Variants in BMP5 observed in about 807,000 individuals in gnomAD.
BMP5 encodes bone morphogenetic protein 5.
Under a neutral mutation model 46.6 loss-of-function variants are expected in BMP5, and 23 were observed. That is an observed-to-expected ratio of 0.49 (90% CI 0.35 to 0.70). The LOEUF (loss-of-function observed/expected upper bound fraction) is 0.70. Among genes scored for constraint, BMP5 ranks in the 30% least tolerant of loss-of-function variants. BMP5 has a pLI of 0.00. For synonymous variants in BMP5, 204 were observed against 191.9 expected (o/e 1.06, Z -0.52); for missense variants, 545 against 565.6 (o/e 0.96, Z 0.37).
rs369703099 is a variant in BMP5 at position 55,780,456 on chromosome 6, T to TAAAAAA, written c.833-6219_833-6214dup. On this transcript the variant is annotated intron_variant, in intron 3 of 6. Transcript: ENST00000370830. ...TAACACAGTGAAACCCCATCACTACTAAAAAAAAAAAAAAAAAGAAAGAAA... is the reference window on the plus strand; with the variant it reads ...TAACACAGTGAAACCCCATCACTACTAAAAAAAAAAAAAAAAAAAAAAAGAAAGAAA... Among the ~76,000 whole-genome samples, 125 of 61,920 alleles carry TAAAAAA rather than the reference T, an allele frequency of 2.0e-3. 1 individual carries two copies. The highest frequency in any genetic ancestry group is 9.5e-3 in the African/African-American group (113 of 11,900). The allele number at this position is 61,920 out of a possible 152,430, so 40.6% of individuals were successfully genotyped here. A position where few individuals can be genotyped will look rare whatever the true frequency, so the allele number is the denominator to read the frequency against.
At chr6:55,780,456 T>TAAAAAAAAAAAA (rs369703099) in intron 3 of BMP5, among the ~76,000 whole-genome samples, 15 of 61,834 alleles carry the variant, frequency 2.4e-4, no homozygotes, top group South Asian at 6.6e-4. Context: ...CCATCACTAC[T>TAAAAAAAAAAAA]AAAAAAAAAA....
intron 2 of BMP5, among the ~76,000 whole-genome samples, chr6:55,795,690 T>C (rs1775695637): frequency 6.6e-6 from 1 of 152,158 alleles, no homozygotes; most frequent in Non-Finnish European, 1.5e-5. Context: ...TTTTTTTCTA[T>C]TAATCTAGAG....
chr6:55,871,022 G>A (rs1414660726), intron 1 of BMP5, among the ~76,000 whole-genome samples: 1 of 151,830 alleles, frequency 6.6e-6, no homozygotes, highest in Non-Finnish European at 1.5e-5. Context: ...CTAGTGTTAT[G>A]TCATTATGGT....
chr6:55,755,682 C>A lies in BMP5; in HGVS notation c.1216G>T (p.Val406Phe). 1.2e-6 allele frequency: 2 copies of A among 1,611,298 alleles called. No individual in the cohort carries two copies. Among genetic ancestry groups the A allele is most frequent in the Non-Finnish European group, 1.7e-6 (2 of 1,178,258 alleles). ...ACGTGGTCAGGAAACATCAGATGAA[C>A]CTGGGAAAGAAAAAAGGTTTTGTTT... is the stretch of plus-strand genomic sequence containing the variant. Reference protein sequence around the residue: ...ATNHAIVQTLVHLMFPDHVPK... With the variant: ...ATNHAIVQTLFHLMFPDHVPK... The change falls in exon 7 of 7, where the codon GTT (valine) becomes TTT (phenylalanine). Residue 406 changes from valine (V) to phenylalanine (F), a missense_variant and splice_region_variant. Coordinates refer to ENST00000370830, the MANE Select transcript of BMP5 (RefSeq NM_021073.4).
chr6:55,818,976 A>C (rs929802857), intron 2 of BMP5, among the ~76,000 whole-genome samples: 1 of 151,206 alleles, frequency 6.6e-6, no homozygotes, highest in African/African-American at 2.5e-5. Flanking sequence ...ACAGACAGAT[A>C]GATAGATAGA....
chr6:55,814,624 GCTATTT>G (rs1387725987), intron 2 of BMP5, among the ~76,000 whole-genome samples: 1 of 151,944 alleles, frequency 6.6e-6, no homozygotes, highest in Non-Finnish European at 1.5e-5. Flanking sequence ...AAGACATATC[GCTATTT>G]CTATGTGTTC....
In BMP5 at chr6:55,874,404, A is replaced by AG; in HGVS notation, c.461dup (p.Asp155Ter). On this transcript the variant is annotated frameshift_variant, in exon 1 of 7. Coordinates refer to ENST00000370830, the MANE Select transcript of BMP5 (RefSeq NM_021073.4). LOFTEE classifies it high-confidence loss of function. ...AGTTGACAAAGCTCATGACCATGTC[A>AG]GCATCATTCAGAAAGTTGGTATCAT... 6.2e-7 allele frequency: 1 copy of AG among 1,613,280 alleles called. No homozygotes were observed. Among genetic ancestry groups the AG allele is most frequent in the Non-Finnish European group, 8.5e-7 (1 of 1,179,496 alleles).
At chr6:55,796,054 T>C (rs993057850) in intron 2 of BMP5, among the ~76,000 whole-genome samples, 1 of 152,184 alleles carries the variant, frequency 6.6e-6, no homozygotes, top group Non-Finnish European at 1.5e-5. Context: ...TTGAGATATT[T>C]GGTAAATATC....
At chr6:55,799,986 A>G (rs1775804572) in intron 2 of BMP5, among the ~76,000 whole-genome samples, 1 of 152,188 alleles carries the variant, frequency 6.6e-6, no homozygotes, top group Admixed American at 6.5e-5. Context: ...TAGAGGTTGC[A>G]TTGTGGATAT....
At chr6:55,859,412 T>C (rs16887305) in intron 1 of BMP5, among the ~76,000 whole-genome samples, 2,288 of 152,298 alleles carry the variant, frequency 0.015, 68 homozygotes, top group African/African-American at 0.053. Flanking sequence ...AAAAATTGCA[T>C]GCCCAATAAT....
In BMP5 at chr6:55,874,513, G is replaced by A. The variant is rs778186001; in HGVS notation, c.353C>T (p.Ala118Val). 5.0e-6 allele frequency: 8 copies of A among 1,613,288 alleles called. No individual in the cohort carries two copies. The highest frequency in any genetic ancestry group is 6.8e-6 in the Non-Finnish European group (8 of 1,179,652). Residue 118 changes from alanine (A) to valine (V), a missense_variant, in exon 1 of 7, where the codon GCC becomes GTC. Transcript: ENST00000370830. ...GCGACGAGGATACCCATTGGGAGAG[G>A]CTGGGTATCCCTTTCTTGCCCCTCT... The part of the protein sequence containing the change: ...ETRGARKGYP[A>V]SPNGYPRRIQ...
chr6:55,770,894 T>G (rs79451598), intron 4 of BMP5, among the ~76,000 whole-genome samples: 1 of 151,894 alleles, frequency 6.6e-6, no homozygotes, highest in Admixed American at 6.6e-5. Flanking sequence ...CTTCCCATCT[T>G]ATATGGGTAA....
At chr6:55,845,243 A>T (rs1008477440) in intron 1 of BMP5, among the ~76,000 whole-genome samples, 1 of 152,084 alleles carries the variant, frequency 6.6e-6, no homozygotes, top group Non-Finnish European at 1.5e-5. Context: ...TTCATAACTA[A>T]TCAGTTGTGC....
intron 1 of BMP5, among the ~76,000 whole-genome samples, chr6:55,844,324 T>C (rs1471732256): frequency 6.6e-6 from 1 of 152,008 alleles, no homozygotes; most frequent in African/African-American, 2.4e-5. Flanking sequence ...AATAAAAACA[T>C]TGGCAGATTC....
At chr6:55,837,408 A>G (rs901872942) in intron 1 of BMP5, among the ~76,000 whole-genome samples, 3 of 150,890 alleles carry the variant, frequency 2.0e-5, no homozygotes, top group Non-Finnish European at 3.0e-5. Flanking sequence ...AGGCAGGCAG[A>G]CAGACAGACA....
At chr6:55,847,098 G>A (rs1562067966) in intron 1 of BMP5, among the ~76,000 whole-genome samples, 1 of 151,890 alleles carries the variant, frequency 6.6e-6, no homozygotes. Flanking sequence ...AGGCACTGCA[G>A]TTCCTATTTT....
At chr6:55,832,827 T>C (rs948319586) in intron 1 of BMP5, among the ~76,000 whole-genome samples, 3 of 152,034 alleles carry the variant, frequency 2.0e-5, no homozygotes, top group Non-Finnish European at 4.4e-5. Context: ...AAATAAGTCA[T>C]AGTACAGGTG....
chr6:55,779,589 A>C, intron 3 of BMP5, among the ~76,000 whole-genome samples: 1 of 152,102 alleles, frequency 6.6e-6, no homozygotes, highest in Admixed American at 6.6e-5. Context: ...ATACAGAATA[A>C]ATCATTTTTA....
At chr6:55,808,130 G>C (rs1776036472) in intron 2 of BMP5, among the ~76,000 whole-genome samples, 1 of 152,194 alleles carries the variant, frequency 6.6e-6, no homozygotes, top group East Asian at 1.9e-4. Flanking sequence ...CCTCCCACTA[G>C]GGGATCAGGT....
Sources: gnomAD v4.1 joint callset for allele counts (sites outside exome capture counted in the v4.1 genomes callset) on GRCh38, gnomAD v4.1.1 for gene constraint, MANE v1.5 for transcripts, NCBI Gene and HGNC (gene_info 2026-07-23, HGNC 2026-07-21) for gene names.